Variants in KMT2C observed in about 807,000 individuals in gnomAD.
The protein encoded by KMT2C is lysine methyltransferase 2C.
A neutral mutation model predicts 507.9 loss-of-function variants in KMT2C; 88 were observed. That is an observed-to-expected ratio of 0.17 (90% CI 0.15 to 0.21). The LOEUF (loss-of-function observed/expected upper bound fraction) is 0.21. KMT2C is among the 10% of genes least tolerant of loss of function. The pLI is 1.00. For synonymous variants in KMT2C, 2,049 were observed against 2,080.8 expected (o/e 0.98, Z 0.42); for missense variants, 4,954 against 5,957.8 (o/e 0.83, Z 5.55).
intron 1 of KMT2C, among the ~76,000 whole-genome samples, chr7:152,361,815 C>T (rs2097200020): frequency 6.6e-6 from 1 of 152,004 alleles, no homozygotes; most frequent in South Asian, 2.1e-4. Flanking sequence ...CTTCAGATTA[C>T]ATAAAGCAAA....
At chr7:152,324,359 G>A (rs1356804540) in intron 3 of KMT2C, among the ~76,000 whole-genome samples, 1 of 151,324 alleles carries the variant, frequency 6.6e-6, no homozygotes, top group Non-Finnish European at 1.5e-5. Flanking sequence ...TCAAGGTAAT[G>A]GATGTTAATT....
chr7:152,253,539 A>AG (rs2095597397), intron 9 of KMT2C, among the ~76,000 whole-genome samples: 1 of 150,138 alleles, frequency 6.7e-6, no homozygotes, highest in Admixed American at 6.6e-5. Context: ...AAAAAAAAAA[A>AG]AAAATTTAAT....
chr7:152,277,169 C>A (rs563283512), intron 6 of KMT2C, among the ~76,000 whole-genome samples: 124 of 152,312 alleles, frequency 8.1e-4, no homozygotes, highest in African/African-American at 2.9e-3. Context: ...TTATTCTGTA[C>A]CAACTATAGC....
chr7:152,176,814 T>C lies in KMT2C; in HGVS notation c.8639A>G (p.Lys2880Arg). The C allele has an allele frequency of 6.2e-7, 1 of 1,614,238 alleles. No individual in the cohort carries two copies. The highest frequency in any genetic ancestry group is 8.5e-7 in the Non-Finnish European group (1 of 1,180,060). Reference protein sequence around the residue: ...LHPCDPDLFEKRTNRETAGPS... With the variant: ...LHPCDPDLFERRTNRETAGPS... ...GCCAGCAGTTTCTCGATTGGTTCTT[T>C]TCTCAAATAGATCTGGATCACAAGG... is the stretch of plus-strand genomic sequence containing the variant. The change falls in exon 38 of 59, where the codon AAA becomes AGA. Residue 2880 changes from lysine (K) to arginine (R), a missense_variant. Physicochemically the swap from Lys to Arg is conservative, Grantham distance 26. Coordinates refer to ENST00000262189, the MANE Select transcript of KMT2C (RefSeq NM_170606.3).
At chr7:152,413,751 G>A (rs574572017) in intron 1 of KMT2C, among the ~76,000 whole-genome samples, 2 of 152,112 alleles carry the variant, frequency 1.3e-5, no homozygotes, top group South Asian at 2.1e-4. Context: ...CAGGTGTGGT[G>A]GCGGGCGCCT....
At chr7:152,382,802 C>G (rs2097385164) in intron 1 of KMT2C, among the ~76,000 whole-genome samples, 1 of 152,156 alleles carries the variant, frequency 6.6e-6, no homozygotes, top group African/African-American at 2.4e-5. Flanking sequence ...AGGAATTCAA[C>G]TTGAAAATTT....
chr7:152,380,224 A>G (rs2097361171), intron 1 of KMT2C, among the ~76,000 whole-genome samples: 2 of 147,626 alleles, frequency 1.4e-5, no homozygotes. Flanking sequence ...TGGGCAACAG[A>G]GCGAGACTCC....
At chr7:152,217,998 T>C (rs2094630468) in intron 23 of KMT2C, among the ~76,000 whole-genome samples, 1 of 152,206 alleles carries the variant, frequency 6.6e-6, no homozygotes, top group Admixed American at 6.5e-5. Flanking sequence ...CCTAAGTATA[T>C]GGACTACTTC....
intron 6 of KMT2C, among the ~76,000 whole-genome samples, chr7:152,308,545 C>T (rs1025424371): frequency 1.3e-5 from 2 of 151,382 alleles, no homozygotes; most frequent in African/African-American, 4.9e-5. Flanking sequence ...TGTGGTGGCA[C>T]GAGCCTATAA....
intron 9 of KMT2C, among the ~76,000 whole-genome samples, chr7:152,258,083 C>A (rs1388959721): frequency 6.6e-6 from 1 of 152,148 alleles, no homozygotes; most frequent in Non-Finnish European, 1.5e-5. Flanking sequence ...TGAGCACACC[C>A]AGCACCCATT....
Position 152,358,642 on chromosome 7 carries a change from A to G in KMT2C, c.195T>C (p.Asp65=), listed in dbSNP as rs974380483. The G allele has an allele frequency of 6.8e-6, 11 of 1,611,056 alleles. No individual in the cohort carries two copies. Among genetic ancestry groups the G allele is most frequent in the Admixed American group, 1.7e-5 (1 of 59,880 alleles). The change falls in exon 2 of 59, where the codon GAT becomes GAC. Residue 65 remains aspartate, a synonymous_variant. Coordinates refer to ENST00000262189, the MANE Select transcript of KMT2C (RefSeq NM_170606.3). The part of the protein sequence containing the change: ...PRSRGKTAVE[D]EDSMDGLETT... ...TCTCCAGCCCATCCATGCTGTCCTC[A>G]TCTTCCACTGCAGTTTTCCCCCTAC...
At chr7:152,234,340 C>T (rs188764059) in intron 16 of KMT2C, among the ~76,000 whole-genome samples, 1 of 152,112 alleles carries the variant, frequency 6.6e-6, no homozygotes, top group Admixed American at 6.5e-5. Flanking sequence ...TGAGATTGTG[C>T]CATTGCACTC....
In KMT2C at chr7:152,146,712, G is replaced by C. The variant is rs964093978; in HGVS notation, c.13918C>G (p.Pro4640Ala). ...PKGVWDKILEPVACVRKKSEM... is the reference protein window; with the variant it reads ...PKGVWDKILEAVACVRKKSEM... ...GACTTTTTTCTCACACATGCCACAG[G>C]CTCCAAAATCTTATCCCAGACACCT... Residue 4640 changes from proline to alanine, a missense_variant, in exon 53 of 59, where the codon CCT (proline) becomes GCT (alanine). This residue lies in a region of KMT2C where 221 missense variants were observed against 304.7 expected (regional missense o/e 0.73). Transcript: ENST00000262189. 7 of 1,613,616 alleles carry C rather than the reference G, an allele frequency of 4.3e-6. No homozygotes were observed. In the African/African-American group the frequency reaches 5.3e-5, roughly 12 times the overall value.
chr7:152,173,834 C>T (rs2129110472), intron 39 of KMT2C, among the ~76,000 whole-genome samples: 1 of 152,272 alleles, frequency 6.6e-6, no homozygotes, highest in Admixed American at 6.5e-5. Flanking sequence ...TTTAAAAGAG[C>T]ACAGACCTAA....
intron 42 of KMT2C, 84 bp downstream of exon 42, chr7:152,167,062 A>T: frequency 9.1e-7 from 1 of 1,097,724 alleles, no homozygotes; most frequent in Non-Finnish European, 1.3e-6. Flanking sequence ...AAAAATCACT[A>T]GTCAAAGTCA....
chr7:152,158,830 TAA>T, intron 44 of KMT2C, 31 bp downstream of exon 44: 1 of 1,604,250 alleles, frequency 6.2e-7, no homozygotes. Flanking sequence ...CCTTGACTTT[TAA>T]AAGAGGCTGC....
At position 152,334,365 on chromosome 7, in the gene KMT2C, T is replaced by C. The variant is rs1366399779; in HGVS notation, c.251-3626A>G. The stretch of plus-strand genomic sequence containing the variant: ...TATTCAGAAGGCTGAGGCAGGAGAA[T>C]TGCTTGAACTTGGGAGGCGGAGGTT... On this transcript the variant is annotated intron_variant, in intron 2 of 58. Transcript: ENST00000262189. Among the ~76,000 whole-genome samples, 7 of 152,068 alleles carry C rather than the reference T, an allele frequency of 4.6e-5. No homozygotes were observed. The East Asian group carries it at 9.7e-4, about 21-fold the overall frequency.
chr7:152,266,331 G>C (rs1019510984), intron 7 of KMT2C, among the ~76,000 whole-genome samples: 4 of 151,056 alleles, frequency 2.6e-5, no homozygotes, highest in African/African-American at 9.8e-5. Flanking sequence ...TGTAACCTCC[G>C]CCTCCCAGGT....
chr7:152,330,647 C>G lies in KMT2C; in HGVS notation c.343G>C (p.Glu115Gln). The G allele has an allele frequency of 1.2e-6, 2 of 1,614,146 alleles. No homozygotes were observed. Among genetic ancestry groups the G allele is most frequent in the Non-Finnish European group, 1.7e-6 (2 of 1,180,012 alleles). Residue 115 changes from glutamate to glutamine, a missense_variant, in exon 3 of 59, where the codon GAA becomes CAA. Around this residue, in one of 29 missense-constraint regions of KMT2C, gnomAD observed 233 missense variants for 263.6 expected, o/e 0.88. Coordinates refer to ENST00000262189, the MANE Select transcript of KMT2C (RefSeq NM_170606.3). ...IPTLQRSVSEESANSLVSVGV... is the reference protein window; with the variant it reads ...IPTLQRSVSEQSANSLVSVGV... ...ACAGAGACCAGGGAGTTTGCCGATT[C>G]CTCAGACACAGATCGCTGAAGAGTT...
Sources: allele counts gnomAD v4.1 joint callset (sites outside exome capture counted in the v4.1 genomes callset), GRCh38; gene constraint gnomAD v4.1.1; regional missense constraint gnomAD v4.1.1; transcripts MANE v1.5; gene names NCBI Gene and HGNC (gene_info 2026-07-23, HGNC 2026-07-21).